The following ABL1 variants were observed in gnomAD, a reference collection of about 807,000 sequenced individuals.
ABL1 encodes the protein tyrosine-protein kinase ABL1.
ABL1 carries 11 observed loss-of-function variants against 94.7 expected under a neutral mutation model. The observed-to-expected ratio is 0.12, with a 90% CI of 0.07 to 0.19. The LOEUF is 0.19. ABL1 is among the 10% of genes least tolerant of loss of function. The pLI is 1.00. For missense variants in ABL1, 1,082 were observed against 1,489.4 expected (o/e 0.73, Z 4.50); for synonymous variants, 656 against 622.4 (o/e 1.05, Z -0.80).
intron 1 of ABL1, among the ~76,000 whole-genome samples, chr9:130,848,788 AAGT>A (rs1009647080): frequency 2.6e-5 from 4 of 151,836 alleles, no homozygotes; most frequent in African/African-American, 9.7e-5. Flanking sequence ...AATACAAAAA[AAGT>A]AGCCGAGTGT....
intron 1 of ABL1, among the ~76,000 whole-genome samples, chr9:130,756,647 G>C (rs964835166): frequency 6.6e-6 from 1 of 152,166 alleles, no homozygotes; most frequent in African/African-American, 2.4e-5. Flanking sequence ...GAGTTGAGGG[G>C]AAGGGGATGT....
chr9:130,823,343 G>A (rs1830388140), intron 1 of ABL1, among the ~76,000 whole-genome samples: 1 of 152,154 alleles, frequency 6.6e-6, no homozygotes, highest in Non-Finnish European at 1.5e-5. Flanking sequence ...TTTCAATGGA[G>A]AAAGAAAACA....
intron 1 of ABL1, among the ~76,000 whole-genome samples, chr9:130,773,724 TTC>T (rs1832280406): frequency 6.6e-6 from 1 of 151,512 alleles, no homozygotes; most frequent in Non-Finnish European, 1.5e-5. Context: ...TCAAGTGTCC[TTC>T]TGTTTCAGCC....
chr9:130,848,345 G>GAAAAAAAA (rs34112720), intron 1 of ABL1, among the ~76,000 whole-genome samples: 4 of 69,720 alleles, frequency 5.7e-5, no homozygotes, highest in Non-Finnish European at 8.5e-5. Flanking sequence ...TACTGAAAAT[G>GAAAAAAAA]AAAAAAAAAA....
chr9:130,884,623 G>A lies in ABL1; in HGVS notation c.2333G>A (p.Gly778Asp), dbSNP rs757723516. Residue 778 changes from glycine (G) to aspartate (D), a missense_variant, in exon 11 of 11, where the codon GGC becomes GAC. Physicochemically the swap from Gly to Asp is moderately conservative, Grantham distance 94. Around this residue, in one of 7 missense-constraint regions of ABL1, gnomAD observed 780 missense variants for 835.8 expected, o/e 0.93. Coordinates refer to ENST00000318560, the MANE Select transcript of ABL1 (RefSeq NM_005157.6). The surrounding 1 kb of genome is among the most constrained non-coding windows in gnomAD (Gnocchi z 5.6). ...AACAGGTCTGACCAGGTGACCCGAGGCACAGTAACGCCTCCCCCCAGGCTG... is the reference window on the plus strand; with the variant it reads ...AACAGGTCTGACCAGGTGACCCGAGACACAGTAACGCCTCCCCCCAGGCTG... ...GENRSDQVTRGTVTPPPRLVK... is the reference protein window; with the variant it reads ...GENRSDQVTRDTVTPPPRLVK... 26 of 1,613,272 alleles carry A rather than the reference G, an allele frequency of 1.6e-5. No homozygotes were observed. The East Asian group carries it at 5.6e-4, about 35-fold the overall frequency.
At chr9:130,793,349 T>TC (rs1402803283) in intron 1 of ABL1, among the ~76,000 whole-genome samples, 1 of 152,208 alleles carries the variant, frequency 6.6e-6, no homozygotes, top group Non-Finnish European at 1.5e-5. Context: ...CCATCACCTC[T>TC]CCAACTCCTC....
intron 1 of ABL1, among the ~76,000 whole-genome samples, chr9:130,766,168 C>T (rs12002002): frequency 2.3e-3 from 352 of 152,332 alleles, no homozygotes; most frequent in African/African-American, 7.6e-3. Context: ...CTCAAGAATG[C>T]GGCCATGGCA....
chr9:130,784,547 G>A (rs1829802769), intron 1 of ABL1, among the ~76,000 whole-genome samples: 1 of 152,162 alleles, frequency 6.6e-6, no homozygotes, highest in Admixed American at 6.6e-5. Context: ...TTAAAAACCA[G>A]CATCTGGTCT....
At chr9:130,826,403 G>A (rs912917389) in intron 1 of ABL1, among the ~76,000 whole-genome samples, 2 of 152,046 alleles carry the variant, frequency 1.3e-5, no homozygotes. Context: ...TTACAGGCAT[G>A]AGCCACCACG....
At chr9:130,750,396 C>T in intron 1 of ABL1, among the ~76,000 whole-genome samples, 2 of 103,976 alleles carry the variant, frequency 1.9e-5, no homozygotes, top group Non-Finnish European at 3.9e-5. Context: ...TCCCTCCTTC[C>T]CTTCCTCCCT....
intron 1 of ABL1, among the ~76,000 whole-genome samples, chr9:130,753,491 T>A (rs1831996197): frequency 7.1e-6 from 1 of 140,234 alleles, no homozygotes; most frequent in Admixed American, 7.4e-5. Context: ...AGTGGTGCAA[T>A]CTTGGCTCAC....
intron 1 of ABL1, among the ~76,000 whole-genome samples, chr9:130,840,933 C>T (rs1258032282): frequency 6.6e-6 from 1 of 152,176 alleles, no homozygotes; most frequent in Non-Finnish European, 1.5e-5. Context: ...GTTACAGTTT[C>T]AAAGCCATTA....
At position 130,885,134 on chromosome 9, in the gene ABL1, C is replaced by T. The variant is rs1458664897; in HGVS notation, c.2844C>T (p.Pro948=). The T allele has an allele frequency of 6.2e-7, 1 of 1,612,800 alleles. No individual in the cohort carries two copies. The highest frequency in any genetic ancestry group is 8.5e-7 in the Non-Finnish European group (1 of 1,179,806). The change falls in exon 11 of 11, where the codon CCC becomes CCT. Residue 948 remains proline, a synonymous_variant. Coordinates refer to ENST00000318560, the MANE Select transcript of ABL1 (RefSeq NM_005157.6). The part of the protein sequence containing the change: ...VDAVNSDAAK[P]SQPGEGLKKP... The stretch of plus-strand genomic sequence containing the variant: ...CTGTGAACAGTGACGCTGCCAAGCC[C>T]AGCCAGCCGGGAGAGGGCCTCAAAA...
chr9:130,746,709 T>G lies in ABL1; in HGVS notation c.136+32254T>G, dbSNP rs571041892. 2.6e-5 allele frequency among the ~76,000 whole-genome samples: 4 copies of G among 152,162 alleles called. No individual in the cohort carries two copies. In the South Asian group the frequency reaches 8.3e-4, roughly 32 times the overall value. On this transcript the variant is annotated intron_variant, in intron 1 of 10. Coordinates refer to the ABL1 transcript ENST00000372348. The stretch of plus-strand genomic sequence containing the variant: ...AGGATGTGTTTGGGTTGTTGCTTGG[T>G]GGGGCATTGGTGATTACGAATAGAG...
rs1412868255 is a variant in ABL1 at position 130,730,067 on chromosome 9, GA to G, written c.136+15614del. On this transcript the variant is annotated intron_variant, in intron 1 of 10. Transcript: ENST00000372348. The stretch of plus-strand genomic sequence containing the variant: ...CAGACTTTTTTTTTTTTTTGAGATG[GA>G]ATTCTGCTCTTGTTGCCCACGCTGG... Among the ~76,000 whole-genome samples the G allele has an allele frequency of 3.7e-3, 272 of 73,398 alleles. 2 individuals are homozygous for G. Among genetic ancestry groups the G allele is most frequent in the Non-Finnish European group, 5.8e-3 (203 of 35,124 alleles). The allele number at this position is 73,398 out of a possible 152,430, so 48.2% of individuals were successfully genotyped here.
Position 130,886,293 on chromosome 9 carries a change from A to T in ABL1, c.*610A>T, listed in dbSNP as rs1305644281. ...GTGCACTCGCCATTTCCTCACGTGCAGGACAGCTCTTGATTTGGGTGGAAA... is the reference window on the plus strand; with the variant it reads ...GTGCACTCGCCATTTCCTCACGTGCTGGACAGCTCTTGATTTGGGTGGAAA... On this transcript the variant is annotated 3_prime_UTR_variant, in exon 11 of 11. Transcript: ENST00000318560. 4 of 234,844 alleles carry T rather than the reference A, an allele frequency of 1.7e-5. No homozygotes were observed. Among genetic ancestry groups the T allele is most frequent in the African/African-American group, 8.8e-5 (4 of 45,362 alleles). 14.5% of individuals were successfully genotyped at this position (234,844 alleles called of 1,614,324 possible).
chr9:130,837,368 T>C (rs1459036260), intron 1 of ABL1, among the ~76,000 whole-genome samples: 2 of 152,202 alleles, frequency 1.3e-5, no homozygotes, highest in African/African-American at 2.4e-5. Flanking sequence ...AATGGACTTT[T>C]GTAAGTGCAG....
intron 1 of ABL1, among the ~76,000 whole-genome samples, chr9:130,747,720 T>C (rs902913658): frequency 3.3e-5 from 5 of 152,118 alleles, no homozygotes; most frequent in Admixed American, 6.6e-5. Flanking sequence ...GCCCCAGTCT[T>C]CCTCTTATAG....
intron 1 of ABL1, among the ~76,000 whole-genome samples, chr9:130,723,821 T>A (rs952343163): frequency 2.0e-5 from 3 of 151,358 alleles, no homozygotes; most frequent in Admixed American, 6.6e-5. Context: ...TTTTTTAACT[T>A]TTTTTTTTGA....
Sources: allele counts gnomAD v4.1 joint callset (sites outside exome capture counted in the v4.1 genomes callset), GRCh38; gene constraint gnomAD v4.1.1; regional missense constraint gnomAD v4.1.1; non-coding constraint Gnocchi (gnomAD v3.1); transcripts MANE v1.5; gene names NCBI Gene and HGNC (gene_info 2026-07-23, HGNC 2026-07-21).